The following TANC1 variants were observed in gnomAD, a reference collection of about 807,000 sequenced individuals.
TANC1 encodes tetratricopeptide repeat, ankyrin repeat and coiled-coil containing 1.
In TANC1, 77 loss-of-function variants were observed where a neutral mutation model predicts 149.7. The ratio of observed to expected loss-of-function variants is 0.51; its 90% CI spans 0.43 to 0.62. TANC1 has a LOEUF of 0.62. Among genes scored for constraint, TANC1 ranks in the 20% least tolerant of loss-of-function variants. The pLI is 0.00. For missense variants in TANC1, 1,985 were observed against 2,321.8 expected, an observed-to-expected ratio of 0.85 and a Z score of 2.98; for synonymous variants, 854 against 925.0, an observed-to-expected ratio of 0.92 and a Z score of 1.39.
At chr2:159,150,619 G>A (rs2052685413) in intron 7 of TANC1, 63 bp downstream of exon 7, 2 of 1,329,970 alleles carry the variant, frequency 1.5e-6, no homozygotes, top group South Asian at 1.2e-5. Flanking sequence ...CATTCACCAG[G>A]CACTTCCTCA....
intron 2 of TANC1, among the ~76,000 whole-genome samples, chr2:159,029,423 G>C (rs1481251875): frequency 6.6e-6 from 1 of 152,160 alleles, no homozygotes; most frequent in East Asian, 1.9e-4. Context: ...TATGGAACAT[G>C]TGCATTGTTC....
At chr2:159,224,682 C>T (rs1442958121) in intron 23 of TANC1, 2 of 289,932 alleles carry the variant, frequency 6.9e-6, no homozygotes, top group Non-Finnish European at 1.3e-5. Context: ...TGAAAGCTCC[C>T]CCAGGTGACT....
intron 25 of TANC1, chr2:159,228,511 C>T (rs1559499181): frequency 1.2e-5 from 5 of 407,968 alleles, no homozygotes; most frequent in South Asian, 2.9e-5. Context: ...GCAGTGTCTG[C>T]GCTCCTCTCT....
chr2:159,039,544 A>G (rs940854103), intron 2 of TANC1, among the ~76,000 whole-genome samples: 1 of 152,154 alleles, frequency 6.6e-6, no homozygotes, highest in African/African-American at 2.4e-5. Flanking sequence ...AGACTCTGGT[A>G]CGTTGTGTCT....
At chr2:159,209,132 G>A (rs991141174) in intron 19 of TANC1, among the ~76,000 whole-genome samples, 2 of 152,216 alleles carry the variant, frequency 1.3e-5, no homozygotes, top group African/African-American at 4.8e-5. Flanking sequence ...CTGAGCAGCA[G>A]CGCCCCAGCC....
intron 3 of TANC1, among the ~76,000 whole-genome samples, chr2:159,088,839 G>A (rs1187786367): frequency 6.6e-6 from 1 of 152,170 alleles, no homozygotes; most frequent in Non-Finnish European, 1.5e-5. Flanking sequence ...TGAAGGGTCT[G>A]GAGGCCAGGC....
intron 1 of TANC1, among the ~76,000 whole-genome samples, chr2:158,988,875 A>G (rs576300252): frequency 7.0e-4 from 106 of 151,478 alleles, no homozygotes; most frequent in African/African-American, 2.4e-3. Flanking sequence ...CTCCTCACCC[A>G]CTCCTTGCCC....
In TANC1 at chr2:159,069,671, G is replaced by A. The variant is rs1026766965; in HGVS notation, c.61+3700G>A. On this transcript the variant is annotated intron_variant, in intron 3 of 26. Transcript: ENST00000263635. The stretch of plus-strand genomic sequence containing the variant: ...CCACACTGGAAGTTAGTATCTTTTT[G>A]TACAGCAACACTGTTTGGAAAATGA... 1.4e-4 allele frequency among the ~76,000 whole-genome samples: 21 copies of A among 150,834 alleles called. 1 individual carries two copies. Among genetic ancestry groups the A allele is most frequent in the Admixed American group, 1.4e-3 (21 of 15,162 alleles).
rs1268423061 is a variant in TANC1 at position 159,082,282 on chromosome 2, C to G, written c.62-15355C>G. Among the ~76,000 whole-genome samples the G allele has an allele frequency of 2.6e-5, 4 of 152,210 alleles. No homozygotes were observed. The East Asian group carries it at 7.8e-4, about 30-fold the overall frequency. On this transcript the variant is annotated intron_variant, in intron 3 of 26. Transcript: ENST00000263635. ...TCTGCTGGTGTAGCGGGCAGCTGCC[C>G]ACTGCCACCCAACCCTGTACCGAGG...
chr2:159,017,040 G>C (rs2038352657), intron 2 of TANC1, among the ~76,000 whole-genome samples: 1 of 143,332 alleles, frequency 7.0e-6, no homozygotes, highest in African/African-American at 2.5e-5. Flanking sequence ...TTGATCCTAG[G>C]AGTATAAAAG....
At chr2:159,142,923 C>T (rs937393849) in intron 5 of TANC1, among the ~76,000 whole-genome samples, 1 of 151,880 alleles carries the variant, frequency 6.6e-6, no homozygotes, top group Non-Finnish European at 1.5e-5. Context: ...ACTAACTGGG[C>T]ATGGTGGTGG....
intron 3 of TANC1, among the ~76,000 whole-genome samples, chr2:159,082,660 C>T (rs2044401271): frequency 2.6e-5 from 4 of 152,142 alleles, no homozygotes. Flanking sequence ...GGGACCGTTG[C>T]TGTAAACAGG....
At chr2:159,068,172 G>C (rs561240542) in intron 3 of TANC1, among the ~76,000 whole-genome samples, 1 of 152,314 alleles carries the variant, frequency 6.6e-6, no homozygotes, top group South Asian at 2.1e-4. Context: ...TCACAGGATT[G>C]TTGGGGGAAA....
intron 5 of TANC1, 87 bp from the exon 6 acceptor site, chr2:159,149,055 A>G: frequency 7.0e-7 from 1 of 1,435,368 alleles, no homozygotes; most frequent in Non-Finnish European, 9.4e-7. Flanking sequence ...AAATCACCAG[A>G]CAAAGCAGCT....
chr2:159,155,918 C>CT (rs1254856214), intron 7 of TANC1, among the ~76,000 whole-genome samples: 1 of 152,136 alleles, frequency 6.6e-6, no homozygotes, highest in African/African-American at 2.4e-5. Context: ...CATGGGCTGA[C>CT]TTTTATCTTC....
At chr2:159,085,235 C>T (rs1299890764) in intron 3 of TANC1, among the ~76,000 whole-genome samples, 1 of 152,066 alleles carries the variant, frequency 6.6e-6, no homozygotes, top group East Asian at 1.9e-4. Context: ...GTCCACTTCC[C>T]GTTTGACTGT....
chr2:159,050,045 T>G (rs1195238860), intron 2 of TANC1, among the ~76,000 whole-genome samples: 1 of 152,146 alleles, frequency 6.6e-6, no homozygotes, highest in African/African-American at 2.4e-5. Context: ...TGGGATTGGG[T>G]GCTTGGGAGT....
intron 1 of TANC1, among the ~76,000 whole-genome samples, chr2:158,993,835 C>T (rs1243780561): frequency 6.6e-6 from 1 of 152,146 alleles, no homozygotes; most frequent in Non-Finnish European, 1.5e-5. Context: ...GAAGACATTA[C>T]CTTTTGTCCT....
At chr2:159,080,446 C>G (rs1425279208) in intron 3 of TANC1, among the ~76,000 whole-genome samples, 1 of 152,136 alleles carries the variant, frequency 6.6e-6, no homozygotes, top group Non-Finnish European at 1.5e-5. Flanking sequence ...GCTTCTGCCC[C>G]GTACGATCAG....
Sources: allele counts gnomAD v4.1 joint callset (sites outside exome capture counted in the v4.1 genomes callset), GRCh38; gene constraint gnomAD v4.1.1; transcripts MANE v1.5; gene names NCBI Gene and HGNC (gene_info 2026-07-23, HGNC 2026-07-21).